DHRS1: variants seen among roughly 807,000 people sequenced by gnomAD.
DHRS1 encodes the protein dehydrogenase/reductase SDR family member 1.
Under a neutral mutation model 35.2 loss-of-function variants are expected in DHRS1, and 34 were observed. The observed-to-expected ratio is 0.97, with a 90% CI of 0.74 to 1.29. The LOEUF is 1.29. Ranked by LOEUF, DHRS1 falls within the 50% of genes most tolerant of loss-of-function variation. DHRS1 has a pLI of 0.00. For synonymous variants in DHRS1, 133 were observed against 160.0 expected (o/e 0.83, Z 1.27); for missense variants, 354 against 403.6 (o/e 0.88, Z 1.05).
intron 4 of DHRS1, 138 bp downstream of exon 4, chr14:24,296,371 T>G: frequency 1.2e-6 from 1 of 809,376 alleles, no homozygotes; most frequent in Non-Finnish European, 2.0e-6. Flanking sequence ...CAGAGGTAAG[T>G]GGGACAAATG....
chr14:24,292,238 C>T lies in DHRS1; in HGVS notation c.600G>A (p.Leu200=), dbSNP rs759247400. 1 of 1,614,178 alleles carries T rather than the reference C, an allele frequency of 6.2e-7. No individual in the cohort carries two copies. Among genetic ancestry groups the T allele is most frequent in the South Asian group, 1.1e-5 (1 of 91,072 alleles). ...CCTCCTTTGCCATATGCTCCTTCAG[C>T]AGTTCTGTCTGCACAATCCCCGGCC... ...SLWPGIVQTE[L]LKEHMAKEEV... is the part of the protein sequence containing the mutation. Residue 200 remains leucine (L), a synonymous_variant, in exon 6 of 9, where the codon CTG becomes CTA. Coordinates refer to ENST00000288111, the MANE Select transcript of DHRS1 (RefSeq NM_001136050.3).
rs1444354965 is a variant in DHRS1 at position 24,299,735 on chromosome 14, A to T, written c.-179T>A. 5 of 516,136 alleles carry T rather than the reference A, an allele frequency of 9.7e-6. No individual in the cohort carries two copies. Among genetic ancestry groups the T allele is most frequent in the Non-Finnish European group, 1.0e-5 (3 of 294,590 alleles). The allele number at this position is 516,136 out of a possible 1,614,324, so 32.0% of individuals were successfully genotyped here. A position where few individuals can be genotyped will look rare whatever the true frequency, so the allele number is the denominator to read the frequency against. On this transcript the variant is annotated 5_prime_UTR_variant, in exon 1 of 9. Coordinates refer to ENST00000288111, the MANE Select transcript of DHRS1 (RefSeq NM_001136050.3). ...ATTCTGTGCTGAGGTAGAGGGGCAG[A>T]GTCCCAGGCCAAAGTTAGAACCTGC...
At chr14:24,294,877 G>A (rs1209245929) in intron 4 of DHRS1, among the ~76,000 whole-genome samples, 1 of 152,210 alleles carries the variant, frequency 6.6e-6, no homozygotes, top group Non-Finnish European at 1.5e-5. Flanking sequence ...AAGCTTGCCT[G>A]AGTGCATGAG....
At position 24,291,202 on chromosome 14, in the gene DHRS1, G is replaced by C; in HGVS notation, c.742C>G (p.Leu248Val). 1 of 1,614,178 alleles carries C rather than the reference G, an allele frequency of 6.2e-7. No homozygotes were observed. Among genetic ancestry groups the C allele is most frequent in the Non-Finnish European group, 8.5e-7 (1 of 1,180,038 alleles). Residue 248 changes from leucine (L) to valine (V), a missense_variant, in exon 8 of 9, where the codon CTG becomes GTG. Transcript: ENST00000288111. ...ALATDPNILS[L>V]SGKVLPSCDL... ...CAGGATGGCAGCACCTTACCACTCA[G>C]GCTCAGGATATTGGGATCTGCGGGC... is the stretch of plus-strand genomic sequence containing the variant.
At chr14:24,294,747 G>T (rs2041220134) in intron 4 of DHRS1, 1 of 152,144 alleles carries the variant, frequency 6.6e-6, no homozygotes, top group Admixed American at 6.5e-5. Flanking sequence ...GAAAGTCAAA[G>T]ATGATTTACA....
Position 24,292,681 on chromosome 14 carries a change from T to C in DHRS1, c.478A>G (p.Asn160Asp). 6.2e-7 allele frequency: 1 copy of C among 1,614,168 alleles called. No homozygotes were observed. Among genetic ancestry groups the C allele is most frequent in the Non-Finnish European group, 8.5e-7 (1 of 1,180,024 alleles). The change falls in exon 5 of 9, where the codon AAT becomes GAT. Residue 160 changes from asparagine to aspartate, a missense_variant. By Grantham distance (23) the Asn-to-Asp change is conservative. Transcript: ENST00000288111. ...GCTTTGCCCACACCATAGGGGACATTGAACATATACTGCAGGCTTCCTGGG... is the reference window on the plus strand; with the variant it reads ...GCTTTGCCCACACCATAGGGGACATCGAACATATACTGCAGGCTTCCTGGG... ...SSPGSLQYMF[N>D]VPYGVGKAAC...
In DHRS1 at chr14:24,291,590, T is replaced by C. The variant is rs1480397688; in HGVS notation, c.690A>G (p.Glu230=). Residue 230 remains glutamate (E), a synonymous_variant, in exon 7 of 9, where the codon GAA becomes GAG. Transcript: ENST00000288111. ...AAGCCACCACACATTTGCCACTCAA[T>C]TCTGTGGTTTCCGCAGATGAGAAGG... is the stretch of plus-strand genomic sequence containing the variant. ...KSAFSSAETT[E]LSGKCVVALA... 5 of 1,614,068 alleles carry C rather than the reference T, an allele frequency of 3.1e-6. No homozygotes were observed. The highest frequency in any genetic ancestry group is 4.2e-6 in the Non-Finnish European group (5 of 1,180,034).
intron 6 of DHRS1, 65 bp from the exon 7 acceptor site, chr14:24,291,690 A>C: frequency 6.7e-7 from 1 of 1,500,656 alleles, no homozygotes; most frequent in Non-Finnish European, 9.3e-7. Context: ...TCTCCTCCCC[A>C]TTTCAACTTC....
Position 24,292,344 on chromosome 14 carries a change from GA to G in DHRS1, c.508-15del. 6.2e-7 allele frequency: 1 copy of G among 1,613,620 alleles called. No homozygotes were observed. The highest frequency in any genetic ancestry group is 8.5e-7 in the Non-Finnish European group (1 of 1,180,020). On this transcript the variant is annotated splice_polypyrimidine_tract_variant and intron_variant, in intron 5 of 8. Transcript: ENST00000288111. ...CAGCTTGTCACACTGTGGAGAGGCG[GA>G]AGGCAGGGTAAGAGCCACCTAGCCA...
chr14:24,290,676 A>G lies in DHRS1; in HGVS notation c.*183T>C, dbSNP rs1230115208. On this transcript the variant is annotated 3_prime_UTR_variant, in exon 9 of 9. Coordinates refer to ENST00000288111, the MANE Select transcript of DHRS1 (RefSeq NM_001136050.3). ...GCAAAAAGTAAAAAGAAGGACAAGG[A>G]AAACCAAGGCACAAAGAAGGGACCT... 109 of 638,780 alleles carry G rather than the reference A, an allele frequency of 1.7e-4. 2 individuals are homozygous for G. The highest frequency in any genetic ancestry group is 1.6e-3 in the South Asian group (72 of 43,934). 39.6% of individuals were successfully genotyped at this position (638,780 alleles called of 1,614,324 possible). A position where few individuals can be genotyped will look rare whatever the true frequency, so the allele number is the denominator to read the frequency against.
chr14:24,292,084 C>T (rs1185861334), intron 6 of DHRS1, 100 bp downstream of exon 6: 1 of 1,459,226 alleles, frequency 6.9e-7, no homozygotes, highest in Non-Finnish European at 9.5e-7. Flanking sequence ...CTGCACCTGC[C>T]ACAGTAAGCA....
At chr14:24,298,795 A>G (rs1382465062) in intron 2 of DHRS1, 162 bp downstream of exon 2, 1 of 968,904 alleles carries the variant, frequency 1.0e-6, no homozygotes. Context: ...ATTCTACCTT[A>G]CCTGAAGTTA....
chr14:24,291,920 T>C (rs1484219755), intron 6 of DHRS1: 1 of 602,740 alleles, frequency 1.7e-6, no homozygotes, highest in Non-Finnish European at 2.9e-6. Flanking sequence ...GTCAAGTGCA[T>C]GGTCTTTGGA....
chr14:24,292,101 G>T, intron 6 of DHRS1, 83 bp downstream of exon 6: 1 of 1,545,278 alleles, frequency 6.5e-7, no homozygotes, highest in South Asian at 1.1e-5. Flanking sequence ...AGCACCTGGT[G>T]AGTGGGAGTA....
intron 6 of DHRS1, chr14:24,291,936 A>G (rs1246580879): frequency 4.9e-6 from 3 of 609,308 alleles, no homozygotes; most frequent in South Asian, 2.0e-5. Context: ...TTGGAGCTAG[A>G]CAGCCTTTCC....
chr14:24,297,923 G>T (rs2041283405), intron 2 of DHRS1, among the ~76,000 whole-genome samples: 1 of 152,136 alleles, frequency 6.6e-6, no homozygotes, highest in Non-Finnish European at 1.5e-5. Context: ...ATGTCATCTG[G>T]ATGCTCCCCA....
chr14:24,291,968 C>T, intron 6 of DHRS1: 1 of 649,848 alleles, frequency 1.5e-6, no homozygotes, highest in Non-Finnish European at 2.6e-6. Context: ...ATGTGACCTT[C>T]AACAAGTTTC....
intron 5 of DHRS1, 75 bp from the exon 6 acceptor site, chr14:24,292,405 T>C: frequency 6.3e-7 from 1 of 1,587,916 alleles, no homozygotes; most frequent in Admixed American, 1.7e-5. Context: ...CTGCTTCTAC[T>C]GTGAATGCTC....
At position 24,290,802 on chromosome 14, in the gene DHRS1, C is replaced by A. The variant is rs1387852666; in HGVS notation, c.*57G>T. ...AGGCTGCTGTTTCACTGAGACAGGA[C>A]GAACCACCAAGTCCAAATGAGAAGA... On this transcript the variant is annotated 3_prime_UTR_variant, in exon 9 of 9. Coordinates refer to ENST00000288111, the MANE Select transcript of DHRS1 (RefSeq NM_001136050.3). 4 of 1,604,974 alleles carry A rather than the reference C, an allele frequency of 2.5e-6. No individual in the cohort carries two copies.
Sources: gnomAD v4.1 joint callset for allele counts (sites outside exome capture counted in the v4.1 genomes callset) on GRCh38, gnomAD v4.1.1 for gene constraint, MANE v1.5 for transcripts, NCBI Gene and HGNC (gene_info 2026-07-23, HGNC 2026-07-21) for gene names.